KIF26A: variants seen among roughly 807,000 people sequenced by gnomAD.
KIF26A encodes kinesin family member 26A.
KIF26A carries 74 observed loss-of-function variants against 126.0 expected under a neutral mutation model. The ratio of observed to expected loss-of-function variants is 0.59; its 90% CI spans 0.49 to 0.71. The LOEUF (loss-of-function observed/expected upper bound fraction) is 0.71. Ranked by LOEUF, KIF26A falls within the 30% of genes least tolerant of loss-of-function variation. The pLI is 0.00. For synonymous variants in KIF26A, 1,445 were observed against 1,232.7 expected (o/e 1.17, Z -3.61); for missense variants, 2,984 against 2,763.3 (o/e 1.08, Z -1.79).
At chr14:104,172,903 C>T in intron 7 of KIF26A, 74 bp from the exon 8 acceptor site, 1 of 1,457,116 alleles carries the variant, frequency 6.9e-7, no homozygotes, top group Admixed American at 2.5e-5. Flanking sequence ...CCTGGTTGGC[C>T]CCCGGGGACG....
chr14:104,176,263 G>T lies in KIF26A; in HGVS notation c.3475G>T (p.Gly1159Trp). The T allele has an allele frequency of 6.3e-7, 1 of 1,595,722 alleles. No homozygotes were observed. The highest frequency in any genetic ancestry group is 1.1e-5 in the South Asian group (1 of 88,580). Residue 1159 changes from glycine (G) to tryptophan (W), a missense_variant, in exon 12 of 15, where the codon GGG becomes TGG. Coordinates refer to ENST00000423312, the MANE Select transcript of KIF26A (RefSeq NM_015656.2). ...TGGTTCCCTGGGGGATGGAAGCTCT[G>T]GGTTCCTGGGGCCAGACAGACCTGA... ...LDGSLGDGSS[G>W]FLGPDRPDSP...
intron 5 of KIF26A, 59 bp from the exon 6 acceptor site, chr14:104,171,664 G>A: frequency 6.9e-7 from 1 of 1,448,524 alleles, no homozygotes; most frequent in Non-Finnish European, 9.4e-7. Context: ...CTCCTGCCCT[G>A]TAATTAGTGG....
chr14:104,156,022 G>T (rs1369742673), intron 3 of KIF26A, among the ~76,000 whole-genome samples: 1 of 152,218 alleles, frequency 6.6e-6, no homozygotes, highest in Non-Finnish European at 1.5e-5. Flanking sequence ...TGGCCCCACG[G>T]TGGTGCCATC....
Position 104,174,324 on chromosome 14 carries a change from C to G in KIF26A, c.2193+14C>G. 1 of 1,510,204 alleles carries G rather than the reference C, an allele frequency of 6.6e-7. No individual in the cohort carries two copies. The highest frequency in any genetic ancestry group is 8.9e-7 in the Non-Finnish European group (1 of 1,123,454). The allele number at this position is 1,510,204 out of a possible 1,614,324, so 93.6% of individuals were successfully genotyped here. On this transcript the variant is annotated intron_variant, in intron 11 of 14. Coordinates refer to ENST00000423312, the MANE Select transcript of KIF26A (RefSeq NM_015656.2). ...AAGAAGGCCAAGGTGCTCCCCACCT[C>G]CTGCCCGCCCCATCTCGGGGCCGTC... is the stretch of plus-strand genomic sequence containing the variant.
intron 10 of KIF26A, 42 bp downstream of exon 10, chr14:104,173,910 T>C: frequency 6.5e-7 from 1 of 1,528,924 alleles, no homozygotes; most frequent in African/African-American, 1.4e-5. Flanking sequence ...GGGTGGCCCC[T>C]TGGTGACCTG....
At chr14:104,173,898 C>T (rs755900819) in intron 10 of KIF26A, 30 bp downstream of exon 10, 17 of 1,539,264 alleles carry the variant, frequency 1.1e-5, no homozygotes, top group Non-Finnish European at 1.5e-5. Context: ...AGGTGCCGAC[C>T]AGGGTGGCCC....
chr14:104,139,727 G>C (rs2037619044), intron 2 of KIF26A, among the ~76,000 whole-genome samples: 1 of 152,336 alleles, frequency 6.6e-6, no homozygotes, highest in Middle Eastern at 3.4e-3. Context: ...CCTGGGGCCG[G>C]GGGGCCTGGC....
chr14:104,167,190 C>T, intron 5 of KIF26A, 142 bp downstream of exon 5: 1 of 915,844 alleles, frequency 1.1e-6, no homozygotes, highest in East Asian at 2.9e-5. Flanking sequence ...CATGGGGAGA[C>T]TGAGGCCCAG....
chr14:104,166,950 G>C lies in KIF26A; in HGVS notation c.1015G>C (p.Asp339His). 1 of 1,591,488 alleles carries C rather than the reference G, an allele frequency of 6.3e-7. No individual in the cohort carries two copies. Among genetic ancestry groups the C allele is most frequent in the Non-Finnish European group, 8.5e-7 (1 of 1,170,044 alleles). The change falls in exon 5 of 15, where the codon GAC becomes CAC. Residue 339 changes from aspartate to histidine, a missense_variant. Transcript: ENST00000423312. ...CCGCGGCACCTCCACCTACCCCACC[G>C]ACTTCAGCGGGGTCCTGCAGCTGTG... ...ATRGTSTYPT[D>H]FSGVLQLWPP...
chr14:104,151,373 G>C lies in KIF26A; in HGVS notation c.289-642G>C, dbSNP rs114037988. Among the ~76,000 whole-genome samples the C allele has an allele frequency of 6.6e-6, 1 of 152,132 alleles. No individual in the cohort carries two copies. The highest frequency in any genetic ancestry group is 1.5e-5 in the Non-Finnish European group (1 of 68,002). On this transcript the variant is annotated intron_variant, in intron 2 of 14. Transcript: ENST00000423312. This position sits in a 1 kb window ranked among gnomAD's most constrained non-coding sequence, Gnocchi z 4.9. ...CCCAGCGTACAGCTCAGACCTGGGT[G>C]GGGGAGCTGGTGGAGTGTGCGGCGG...
intron 3 of KIF26A, among the ~76,000 whole-genome samples, chr14:104,155,610 C>T (rs1037420166): frequency 6.6e-6 from 1 of 152,226 alleles, no homozygotes; most frequent in South Asian, 2.1e-4. Flanking sequence ...CTCGCTTTGC[C>T]AGACGGCTTC....
At chr14:104,155,044 C>T (rs577566415) in intron 3 of KIF26A, among the ~76,000 whole-genome samples, 20 of 152,294 alleles carry the variant, frequency 1.3e-4, no homozygotes, top group African/African-American at 3.4e-4. Context: ...GCTGGAGCTT[C>T]GCGTGGGTGG....
rs767204145 is a variant in KIF26A at position 104,175,095 on chromosome 14, G to A, written c.2307G>A (p.Thr769=). 11 of 1,601,230 alleles carry A rather than the reference G, an allele frequency of 6.9e-6. No individual in the cohort carries two copies. Among genetic ancestry groups the A allele is most frequent in the East Asian group, 4.5e-5 (2 of 44,288 alleles). The change falls in exon 12 of 15, where the codon ACG becomes ACA. Residue 769 remains threonine, a synonymous_variant. Coordinates refer to ENST00000423312, the MANE Select transcript of KIF26A (RefSeq NM_015656.2). ...CTGTGGCCCTGGACCCCGACCGCAC[G>A]CCTCCCTGCCTGCCCGGTGACCCCG... The part of the protein sequence containing the change: ...PRTVALDPDR[T]PPCLPGDPDY...
chr14:104,166,942 A>T lies in KIF26A; in HGVS notation c.1007A>T (p.Tyr336Phe), dbSNP rs1043511899. The T allele has an allele frequency of 6.3e-7, 1 of 1,590,364 alleles. No homozygotes were observed. The highest frequency in any genetic ancestry group is 8.5e-7 in the Non-Finnish European group (1 of 1,169,742). The change falls in exon 5 of 15, where the codon TAC (tyrosine) becomes TTC (phenylalanine). Residue 336 changes from tyrosine to phenylalanine, a missense_variant. Tyr to Phe is a conservative substitution (Grantham distance 22). Coordinates refer to ENST00000423312, the MANE Select transcript of KIF26A (RefSeq NM_015656.2). Reference protein sequence around the residue: ...PPPATRGTSTYPTDFSGVLQL... With the variant: ...PPPATRGTSTFPTDFSGVLQL... ...CCAGCCACCCGCGGCACCTCCACCT[A>T]CCCCACCGACTTCAGCGGGGTCCTG...
Position 104,171,725 on chromosome 14 carries a change from G to A in KIF26A, c.1116G>A (p.Val372=), listed in dbSNP as rs1487003143. 17 of 1,568,044 alleles carry A rather than the reference G, an allele frequency of 1.1e-5. No individual in the cohort carries two copies. The highest frequency in any genetic ancestry group is 1.5e-5 in the Non-Finnish European group (17 of 1,157,900). Residue 372 remains valine, a splice_region_variant and synonymous_variant, in exon 6 of 15, where the codon GTG becomes GTA. Transcript: ENST00000423312. Reference sequence around the variant, plus strand: ...GGTGCCGCCCACCTCTGCCCCAGGTGAAGGTTATGCTGCGGATCTGGCCCG... The same window carrying A: ...GGTGCCGCCCACCTCTGCCCCAGGTAAAGGTTATGCTGCGGATCTGGCCCG... ...TKDNPGSIGK[V]KVMLRIWPAQ...
chr14:104,145,011 G>A (rs1370537347), intron 2 of KIF26A, among the ~76,000 whole-genome samples: 1 of 152,198 alleles, frequency 6.6e-6, no homozygotes, highest in Non-Finnish European at 1.5e-5. Context: ...GCCCAGGAAT[G>A]GGCAGCCCTC....
Position 104,174,092 on chromosome 14 carries a change from C to T in KIF26A, c.2031-56C>T, listed in dbSNP as rs1034728879. On this transcript the variant is annotated intron_variant, in intron 10 of 14. Transcript: ENST00000423312. ...GATCCCAGGGCTGCCCTTGGCCAGC[C>T]TGTCCCCGAAGCTCCCTTCCCAAGG... 3.3e-5 allele frequency: 49 copies of T among 1,475,186 alleles called. No individual in the cohort carries two copies. In the African/African-American group the frequency reaches 6.7e-4, roughly 20 times the overall value. The allele number at this position is 1,475,186 out of a possible 1,614,324, so 91.4% of individuals were successfully genotyped here.
chr14:104,177,262 A>G lies in KIF26A; in HGVS notation c.4474A>G (p.Lys1492Glu). 2.5e-6 allele frequency: 4 copies of G among 1,595,154 alleles called. No homozygotes were observed. Among genetic ancestry groups the G allele is most frequent in the Non-Finnish European group, 3.4e-6 (4 of 1,174,300 alleles). The change falls in exon 12 of 15, where the codon AAG (lysine) becomes GAG (glutamate). Residue 1492 changes from lysine to glutamate, a missense_variant. Lys to Glu is a moderately conservative substitution (Grantham distance 56). Coordinates refer to ENST00000423312, the MANE Select transcript of KIF26A (RefSeq NM_015656.2). ...SGAAKAVGAP[K>E]PPVGGGKGRG... ...CGCAGCCAAGGCTGTGGGGGCCCCC[A>G]AGCCCCCTGTTGGTGGAGGCAAGGG...
At chr14:104,173,653 C>G in intron 9 of KIF26A, 53 bp from the exon 10 acceptor site, 1 of 1,590,146 alleles carries the variant, frequency 6.3e-7, no homozygotes, top group Non-Finnish European at 8.6e-7. Flanking sequence ...GGATGTGGAG[C>G]AGGATCTGGG....
Sources: gnomAD v4.1 joint callset for allele counts (sites outside exome capture counted in the v4.1 genomes callset) on GRCh38, gnomAD v4.1.1 for gene constraint, Gnocchi (gnomAD v3.1) non-coding constraint, MANE v1.5 for transcripts, NCBI Gene and HGNC (gene_info 2026-07-23, HGNC 2026-07-21) for gene names.